Variants in NALF1 observed in about 807,000 individuals in gnomAD.
The protein encoded by NALF1 is family with sequence similarity 155 member A.
Under a neutral mutation model 48.4 loss-of-function variants are expected in NALF1, and 3 were observed. That is an observed-to-expected ratio of 0.06 (90% CI 0.03 to 0.16). The LOEUF is 0.16. NALF1 is among the 10% of genes least tolerant of loss of function. The pLI is 1.00. For missense variants in NALF1, 526 were observed against 571.5 expected, an observed-to-expected ratio of 0.92 and a Z score of 0.81; for synonymous variants, 262 against 245.7, an observed-to-expected ratio of 1.07 and a Z score of -0.62.
At chr13:107,186,602 G>A (rs1879179725) in intron 2 of NALF1, among the ~76,000 whole-genome samples, 1 of 152,102 alleles carries the variant, frequency 6.6e-6, no homozygotes, top group Non-Finnish European at 1.5e-5. Flanking sequence ...TCCTGACCTT[G>A]TGATCTGCCC....
chr13:107,359,796 CAG>C (rs1334795959), intron 1 of NALF1, among the ~76,000 whole-genome samples: 1 of 152,100 alleles, frequency 6.6e-6, no homozygotes, highest in Non-Finnish European at 1.5e-5. Context: ...GCCTTCAGAA[CAG>C]AGTGTGTGTT....
chr13:107,652,699 T>C (rs1162362961), intron 1 of NALF1, among the ~76,000 whole-genome samples: 1 of 152,112 alleles, frequency 6.6e-6, no homozygotes. Flanking sequence ...ATCATCTAAC[T>C]CATTAGGCAT....
intron 1 of NALF1, among the ~76,000 whole-genome samples, chr13:107,628,816 G>C (rs536398882): frequency 2.0e-5 from 3 of 152,112 alleles, no homozygotes; most frequent in Non-Finnish European, 1.5e-5. Flanking sequence ...ATGGCATCTA[G>C]ACATCAGAGT....
chr13:107,780,255 A>T (rs965385341), intron 1 of NALF1, among the ~76,000 whole-genome samples: 1 of 151,932 alleles, frequency 6.6e-6, no homozygotes, highest in Non-Finnish European at 1.5e-5. Flanking sequence ...TTCCCTTCTT[A>T]ATTTCCGTAT....
At chr13:107,693,976 T>C (rs1408249560) in intron 1 of NALF1, among the ~76,000 whole-genome samples, 1 of 152,158 alleles carries the variant, frequency 6.6e-6, no homozygotes, top group East Asian at 1.9e-4. Flanking sequence ...ACATGTAACG[T>C]CACAGTATTG....
In NALF1 at chr13:107,486,207, C is replaced by A. The variant is rs547594282; in HGVS notation, c.916-275452G>T. On this transcript the variant is annotated intron_variant, in intron 1 of 2. Coordinates refer to ENST00000375915, the MANE Select transcript of NALF1 (RefSeq NM_001080396.3). The stretch of plus-strand genomic sequence containing the variant: ...CGGTTTCCTCTTGGCCAAGATTGCA[C>A]ACACACAGGATATTCATCTGTCCTT... Among the ~76,000 whole-genome samples the A allele has an allele frequency of 7.9e-5, 12 of 152,252 alleles. No individual in the cohort carries two copies. The South Asian group carries it at 2.5e-3, about 32-fold the overall frequency.
chr13:107,713,955 A>AAT (rs1875675184), intron 1 of NALF1, among the ~76,000 whole-genome samples: 1 of 152,242 alleles, frequency 6.6e-6, no homozygotes, highest in African/African-American at 2.4e-5. Context: ...GAAGAATGAA[A>AAT]ATAGATGAAG....
intron 1 of NALF1, among the ~76,000 whole-genome samples, chr13:107,761,969 T>C (rs114557906): frequency 2.9e-3 from 442 of 152,310 alleles, no homozygotes; most frequent in African/African-American, 0.01. Flanking sequence ...TAAATGTCAG[T>C]GATGGCTGCT....
intron 1 of NALF1, among the ~76,000 whole-genome samples, chr13:107,514,782 G>A (rs1166534469): frequency 6.6e-6 from 1 of 152,118 alleles, no homozygotes; most frequent in Non-Finnish European, 1.5e-5. Context: ...ATGATTTAAA[G>A]CCTATACTCT....
At chr13:107,721,643 G>A (rs1404687725) in intron 1 of NALF1, among the ~76,000 whole-genome samples, 1 of 152,138 alleles carries the variant, frequency 6.6e-6, no homozygotes, top group Non-Finnish European at 1.5e-5. Context: ...GACCTGCCCA[G>A]AAGGTACACT....
chr13:107,475,268 C>T (rs1481006681), intron 1 of NALF1, among the ~76,000 whole-genome samples: 1 of 152,206 alleles, frequency 6.6e-6, no homozygotes, highest in Non-Finnish European at 1.5e-5. Context: ...TGTGTTCATA[C>T]AGCCAGGTAC....
At chr13:107,378,008 T>C (rs944217339) in intron 1 of NALF1, among the ~76,000 whole-genome samples, 11 of 152,216 alleles carry the variant, frequency 7.2e-5, no homozygotes, top group African/African-American at 1.7e-4. Context: ...TTATCAGATA[T>C]GATTTCTTTG....
intron 1 of NALF1, among the ~76,000 whole-genome samples, chr13:107,378,328 T>C (rs752979483): frequency 3.9e-5 from 6 of 152,134 alleles, no homozygotes; most frequent in South Asian, 2.1e-4. Context: ...TTGAGTTATA[T>C]ATGAATAGTG....
intron 1 of NALF1, among the ~76,000 whole-genome samples, chr13:107,609,214 T>C (rs895846039): frequency 1.5e-4 from 23 of 152,328 alleles, no homozygotes; most frequent in African/African-American, 5.5e-4. Flanking sequence ...GGGGCTGTCC[T>C]CTAGAATTCT....
chr13:107,454,444 C>T (rs1259224011), intron 1 of NALF1, among the ~76,000 whole-genome samples: 1 of 152,116 alleles, frequency 6.6e-6, no homozygotes, highest in Non-Finnish European at 1.5e-5. Context: ...TGGGAAAGAG[C>T]CCCTTATAAA....
At position 107,347,499 on chromosome 13, in the gene NALF1, C is replaced by A. The variant is rs1043982066; in HGVS notation, c.916-136744G>T. On this transcript the variant is annotated intron_variant, in intron 1 of 2. Transcript: ENST00000375915. ...GAATAGTCCATGTAATTATCACAAG[C>A]CTCAGACAGGCTCTCTTTATTCAAC... is the stretch of plus-strand genomic sequence containing the variant. 2.0e-5 allele frequency among the ~76,000 whole-genome samples: 3 copies of A among 152,304 alleles called. No individual in the cohort carries two copies. The East Asian group carries it at 5.8e-4, about 29-fold the overall frequency.
chr13:107,174,252 C>T (rs540256902), intron 2 of NALF1, among the ~76,000 whole-genome samples: 1 of 152,298 alleles, frequency 6.6e-6, no homozygotes, highest in East Asian at 1.9e-4. Context: ...AAATAACAAG[C>T]ACAGGAAGTC....
At chr13:107,800,056 T>C (rs1256446880) in intron 1 of NALF1, among the ~76,000 whole-genome samples, 2 of 152,194 alleles carry the variant, frequency 1.3e-5, no homozygotes, top group African/African-American at 4.8e-5. Flanking sequence ...AGAACCAAAC[T>C]ATGCCTAATT....
chr13:107,244,481 G>A (rs1566462422), intron 1 of NALF1, among the ~76,000 whole-genome samples: 1 of 152,192 alleles, frequency 6.6e-6, no homozygotes. Context: ...TTATTCTTAA[G>A]ATGACTGATG....
Sources: gnomAD v4.1 joint callset for allele counts (sites outside exome capture counted in the v4.1 genomes callset) on GRCh38, gnomAD v4.1.1 for gene constraint, MANE v1.5 for transcripts, NCBI Gene and HGNC (gene_info 2026-07-23, HGNC 2026-07-21) for gene names.